The following SMIM15 variants were observed in gnomAD, a reference collection of about 807,000 sequenced individuals.
The protein encoded by SMIM15 is UPF0542 protein C5orf43.
Under a neutral mutation model 6.8 loss-of-function variants are expected in SMIM15, and 5 were observed. That is an observed-to-expected ratio of 0.74 (90% CI 0.39 to 1.56). The LOEUF is 1.56. Among genes scored for constraint, SMIM15 ranks in the 40% most tolerant of loss-of-function variants. The probability of loss-of-function intolerance (pLI) is 0.03; values close to 1 mark genes in which losing one functional copy is unlikely to be tolerated. For synonymous variants in SMIM15, 30 were observed against 30.8 expected (o/e 0.97, Z 0.09); for missense variants, 81 against 84.8 (o/e 0.96, Z 0.18).
At chr5:61,160,993 A>G (rs1173079959) in intron 2 of SMIM15, 95 bp downstream of exon 2, 1 of 152,218 alleles carries the variant, frequency 6.6e-6, no homozygotes, top group Non-Finnish European at 1.5e-5. Flanking sequence ...GTCAACCGCT[A>G]TTCAAAGTGG....
intron 2 of SMIM15, among the ~76,000 whole-genome samples, chr5:61,160,686 C>T (rs1741397849): frequency 6.6e-6 from 1 of 152,168 alleles, no homozygotes; most frequent in African/African-American, 2.4e-5. Flanking sequence ...ATGTGAAATG[C>T]TCGCAGAGAA....
chr5:61,160,246 G>C, intron 2 of SMIM15, 47 bp from the exon 3 acceptor site: 2 of 1,389,874 alleles, frequency 1.4e-6, no homozygotes, highest in Non-Finnish European at 2.0e-6. Flanking sequence ...CAGGAGAAAA[G>C]ACTATGTGGT....
In SMIM15 at chr5:61,159,492, A is replaced by G. The variant is rs1741376649; in HGVS notation, c.*455T>C. 6.3e-6 allele frequency: 1 copy of G among 159,940 alleles called. No individual in the cohort carries two copies. Among genetic ancestry groups the G allele is most frequent in the Non-Finnish European group, 1.4e-5 (1 of 72,032 alleles). The allele number at this position is 159,940 out of a possible 1,614,324, so 9.9% of individuals were successfully genotyped here. A position where few individuals can be genotyped will look rare whatever the true frequency, so the allele number is the denominator to read the frequency against. On this transcript the variant is annotated 3_prime_UTR_variant, in exon 3 of 3. Transcript: ENST00000339020. ...ACAATAATAATAAAAGATGTAATTA[A>G]TATACTGTATCCCTTTTAAGCCAAA...
intron 2 of SMIM15, 108 bp from the exon 3 acceptor site, chr5:61,160,307 C>G: frequency 1.4e-6 from 1 of 738,310 alleles, no homozygotes; most frequent in Non-Finnish European, 2.2e-6. Context: ...CTCAGGATTC[C>G]ATTATCACTC....
chr5:61,160,157 C>T lies in SMIM15; in HGVS notation c.15G>A (p.Lys5=). MFDI[K]AWAEYVVEWA... ...ATTCCACAACATACTCAGCCCAAGC[C>T]TTTATATCAAACATCTTCACAGCAG... Residue 5 remains lysine, a synonymous_variant, in exon 3 of 3, where the codon AAG becomes AAA. Coordinates refer to ENST00000339020, the MANE Select transcript of SMIM15 (RefSeq NM_001048249.4). 6 of 1,613,730 alleles carry T rather than the reference C, an allele frequency of 3.7e-6. No individual in the cohort carries two copies. Among genetic ancestry groups the T allele is most frequent in the Non-Finnish European group, 5.1e-6 (6 of 1,179,872 alleles).
chr5:61,161,856 A>AC (rs1455616056), intron 1 of SMIM15, among the ~76,000 whole-genome samples: 2 of 152,102 alleles, frequency 1.3e-5, no homozygotes, highest in Non-Finnish European at 2.9e-5. Context: ...ATACGACCTC[A>AC]CCCATACAGT....
chr5:61,160,727 G>A (rs1741399298), intron 2 of SMIM15, among the ~76,000 whole-genome samples: 3 of 152,242 alleles, frequency 2.0e-5, no homozygotes, highest in African/African-American at 7.2e-5. Context: ...GAATGGGAAG[G>A]AGAGGGTAAG....
rs751143919 is a variant in SMIM15 at position 61,159,543 on chromosome 5, C to G, written c.*404G>C. ...GCACACTTTTTACCTCAAGACTGTTCTGACTTTTACATTCTTAATTTCCTT... is the reference window on the plus strand; with the variant it reads ...GCACACTTTTTACCTCAAGACTGTTGTGACTTTTACATTCTTAATTTCCTT... On this transcript the variant is annotated 3_prime_UTR_variant, in exon 3 of 3. Transcript: ENST00000339020. The G allele has an allele frequency of 2.4e-5, 5 of 208,660 alleles. No homozygotes were observed. Among genetic ancestry groups the G allele is most frequent in the Non-Finnish European group, 4.9e-5 (5 of 102,100 alleles). The allele number at this position is 208,660 out of a possible 1,614,324, so 12.9% of individuals were successfully genotyped here. A position where few individuals can be genotyped will look rare whatever the true frequency, so the allele number is the denominator to read the frequency against.
chr5:61,160,309 T>C, intron 2 of SMIM15, 110 bp from the exon 3 acceptor site: 1 of 738,004 alleles, frequency 1.4e-6, no homozygotes. Flanking sequence ...CAGGATTCCA[T>C]TATCACTCAG....
chr5:61,161,681 T>C (rs1276114245), intron 1 of SMIM15, among the ~76,000 whole-genome samples: 1 of 152,200 alleles, frequency 6.6e-6, no homozygotes, highest in Non-Finnish European at 1.5e-5. Flanking sequence ...TTGTGTCCTT[T>C]ACTTAAAAAA....
chr5:61,159,202 C>T lies in SMIM15; in HGVS notation c.*745G>A, dbSNP rs1444109777. On this transcript the variant is annotated 3_prime_UTR_variant, in exon 3 of 3. Transcript: ENST00000339020. ...ACTACAGTGTTTGGCATTTTTACTG[C>T]AAGCTTTAAACCATAGTGTTACTCC... is the stretch of plus-strand genomic sequence containing the variant. The T allele has an allele frequency of 6.6e-6, 1 of 152,604 alleles. No individual in the cohort carries two copies. Among genetic ancestry groups the T allele is most frequent in the Non-Finnish European group, 1.5e-5 (1 of 68,030 alleles). The allele number at this position is 152,604 out of a possible 1,614,324, so 9.5% of individuals were successfully genotyped here.
Position 61,159,758 on chromosome 5 carries a change from A to T in SMIM15, c.*189T>A, listed in dbSNP as rs1741380723. On this transcript the variant is annotated 3_prime_UTR_variant, in exon 3 of 3. Transcript: ENST00000339020. ...AATAACTGTCAATAGAAACCTATAA[A>T]CTTCTACACCCACGCCTAAAAGTTA... is the stretch of plus-strand genomic sequence containing the variant. 1 of 629,842 alleles carries T rather than the reference A, an allele frequency of 1.6e-6. No individual in the cohort carries two copies. The highest frequency in any genetic ancestry group is 1.8e-5 in the African/African-American group (1 of 54,358). The allele number at this position is 629,842 out of a possible 1,614,324, so 39.0% of individuals were successfully genotyped here.
In SMIM15 at chr5:61,158,952, T is replaced by C. The variant is rs1741366316; in HGVS notation, c.*995A>G. 6.6e-6 allele frequency: 1 copy of C among 152,228 alleles called. No individual in the cohort carries two copies. The highest frequency in any genetic ancestry group is 1.5e-5 in the Non-Finnish European group (1 of 68,020). The allele number at this position is 152,228 out of a possible 1,614,324, so 9.4% of individuals were successfully genotyped here. On this transcript the variant is annotated 3_prime_UTR_variant, in exon 3 of 3. Coordinates refer to ENST00000339020, the MANE Select transcript of SMIM15 (RefSeq NM_001048249.4). ...ACCTTTCTTTACCACTTATGAAGTA[T>C]GGCGTAACTGTTACACTTTAAGAGT...
In SMIM15 at chr5:61,160,059, G is replaced by T; in HGVS notation, c.113C>A (p.Ala38Asp). 6.2e-7 allele frequency: 1 copy of T among 1,614,142 alleles called. No individual in the cohort carries two copies. The highest frequency in any genetic ancestry group is 8.5e-7 in the Non-Finnish European group (1 of 1,180,030). The change falls in exon 3 of 3, where the codon GCT becomes GAT. Residue 38 changes from alanine to aspartate, a missense_variant. Transcript: ENST00000339020. Reference protein sequence around the residue: ...LALTPLFLASAVLSWKLAKMI... With the variant: ...LALTPLFLASDVLSWKLAKMI... ...CTTGGCCAATTTCCAAGACAGTACA[G>T]CACTTGCTAGGAACAGTGGAGTAAG...
Position 61,161,205 on chromosome 5 carries a change from C to T in SMIM15, c.-146G>A, listed in dbSNP as rs925144830. ...AGTTCTACTGTACACATCTGAGAGA[C>T]GGTTTAAATTCTGTACAATTGGCTA... On this transcript the variant is annotated 5_prime_UTR_variant, in exon 2 of 3. Coordinates refer to ENST00000339020, the MANE Select transcript of SMIM15 (RefSeq NM_001048249.4). The T allele has an allele frequency of 2.0e-5, 3 of 151,962 alleles. No individual in the cohort carries two copies. The highest frequency in any genetic ancestry group is 7.3e-5 in the African/African-American group (3 of 41,354). 9.4% of individuals were successfully genotyped at this position (151,962 alleles called of 1,614,324 possible).
chr5:61,161,387 C>T (rs1437594846), intron 1 of SMIM15, among the ~76,000 whole-genome samples, 160 bp from the exon 2 acceptor site: 2 of 152,144 alleles, frequency 1.3e-5, no homozygotes, highest in East Asian at 3.8e-4. Flanking sequence ...GTTTCTTCCT[C>T]ATTTGAATTT....
In SMIM15 at chr5:61,158,096, T is replaced by C. The variant is rs1741354293; in HGVS notation, c.*1851A>G. ...GAAAAAAGTGGAAAAAAAAAGCATA[T>C]GTCAAACAAATACAAAACTGGCATG... On this transcript the variant is annotated 3_prime_UTR_variant, in exon 3 of 3. Transcript: ENST00000339020. 1 of 151,304 alleles carries C rather than the reference T, an allele frequency of 6.6e-6. No individual in the cohort carries two copies. The highest frequency in any genetic ancestry group is 2.1e-4 in the South Asian group (1 of 4,794). 9.4% of individuals were successfully genotyped at this position (151,304 alleles called of 1,614,324 possible). A position where few individuals can be genotyped will look rare whatever the true frequency, so the allele number is the denominator to read the frequency against.
At position 61,159,790 on chromosome 5, in the gene SMIM15, T is replaced by C. The variant is rs1741381255; in HGVS notation, c.*157A>G. ...CACCCACGCCTAAAAGTTACTATAGTATTGAGGTCAGAACTAACATGATTC... is the reference window on the plus strand; with the variant it reads ...CACCCACGCCTAAAAGTTACTATAGCATTGAGGTCAGAACTAACATGATTC... On this transcript the variant is annotated 3_prime_UTR_variant, in exon 3 of 3. Coordinates refer to ENST00000339020, the MANE Select transcript of SMIM15 (RefSeq NM_001048249.4). 2 of 770,980 alleles carry C rather than the reference T, an allele frequency of 2.6e-6. No individual in the cohort carries two copies. Among genetic ancestry groups the C allele is most frequent in the South Asian group, 1.9e-5 (1 of 53,592 alleles). The allele number at this position is 770,980 out of a possible 1,614,324, so 47.8% of individuals were successfully genotyped here. A position where few individuals can be genotyped will look rare whatever the true frequency, so the allele number is the denominator to read the frequency against.
rs896547811 is a variant in SMIM15, at chr5:61,158,829, A to G, written c.*1118T>C. ...TACTAAACTGAAAGAAACATCCTTT[A>G]GCTCCCTACTTCCAATTACAGCACA... On this transcript the variant is annotated 3_prime_UTR_variant, in exon 3 of 3. Transcript: ENST00000339020. The G allele has an allele frequency of 2.0e-5, 3 of 152,212 alleles. No individual in the cohort carries two copies. Among genetic ancestry groups the G allele is most frequent in the African/African-American group, 4.8e-5 (2 of 41,460 alleles). 9.4% of individuals were successfully genotyped at this position (152,212 alleles called of 1,614,324 possible). A position where few individuals can be genotyped will look rare whatever the true frequency, so the allele number is the denominator to read the frequency against.
Sources: allele counts gnomAD v4.1 joint callset (sites outside exome capture counted in the v4.1 genomes callset), GRCh38; gene constraint gnomAD v4.1.1; transcripts MANE v1.5; gene names NCBI Gene and HGNC (gene_info 2026-07-23, HGNC 2026-07-21).